Variants in TRAF7 observed in about 807,000 individuals in gnomAD.
TRAF7 encodes the protein TNF receptor associated factor 7, also known as E3 ubiquitin-protein ligase TRAF7.
In TRAF7, 45 loss-of-function variants were observed where a neutral mutation model predicts 89.3. The observed-to-expected ratio is 0.50, with a 90% CI of 0.40 to 0.65. The LOEUF is 0.65. Ranked by LOEUF, TRAF7 falls within the 30% of genes least tolerant of loss-of-function variation. The pLI, the probability that TRAF7 is intolerant of heterozygous loss-of-function variation, is 0.00. For synonymous variants in TRAF7, 406 were observed against 369.2 expected (o/e 1.10, Z -1.14); for missense variants, 677 against 918.1 (o/e 0.74, Z 3.39).
At chr16:2,166,345 T>C (rs1289611190) in intron 3 of TRAF7, among the ~76,000 whole-genome samples, 3 of 152,170 alleles carry the variant, frequency 2.0e-5, no homozygotes, top group African/African-American at 7.2e-5. Flanking sequence ...GCCCTAGGGC[T>C]TCAGTAACAG....
intron 13 of TRAF7, 78 bp from the exon 14 acceptor site, chr16:2,174,173 C>T (rs1476960938): frequency 1.9e-6 from 3 of 1,594,852 alleles, no homozygotes; most frequent in African/African-American, 2.7e-5. Flanking sequence ...GGCGGGGCTC[C>T]CTCACTCATT....
rs2093142362 is a variant in TRAF7 at position 2,177,402 on chromosome 16, C to T, written c.*828C>T. ...CTCCACCCGCCCCACACCACAATCG[C>T]TGGTTTTCGGCATTTTTTAAATTTT... On this transcript the variant is annotated 3_prime_UTR_variant, in exon 21 of 21. Coordinates refer to ENST00000326181, the MANE Select transcript of TRAF7 (RefSeq NM_032271.3). 4.3e-6 allele frequency: 1 copy of T among 233,200 alleles called. No homozygotes were observed. Among genetic ancestry groups the T allele is most frequent in the East Asian group, 6.1e-5 (1 of 16,520 alleles). 14.4% of individuals were successfully genotyped at this position (233,200 alleles called of 1,614,324 possible).
chr16:2,161,029 G>A lies in TRAF7; in HGVS notation c.-38-2854G>A, dbSNP rs1302783319. 6.6e-5 allele frequency among the ~76,000 whole-genome samples: 10 copies of A among 152,078 alleles called. No individual in the cohort carries two copies. Among genetic ancestry groups the A allele is most frequent in the Admixed American group, 5.2e-4 (8 of 15,278 alleles). ...GGCATCTTGCTCAATTCCGAGGTGC[G>A]GGGATGGATCCTGCCTTAGGGCGGG... On this transcript the variant is annotated intron_variant, in intron 1 of 20. Coordinates refer to ENST00000326181, the MANE Select transcript of TRAF7 (RefSeq NM_032271.3). This position sits in a 1 kb window ranked among gnomAD's most constrained non-coding sequence, Gnocchi z 5.2.
Position 2,176,195 on chromosome 16 carries a change from A to G in TRAF7, c.1878+15A>G, listed in dbSNP as rs1364724439. 1.2e-6 allele frequency: 2 copies of G among 1,603,084 alleles called. No individual in the cohort carries two copies. Among genetic ancestry groups the G allele is most frequent in the African/African-American group, 2.7e-5 (2 of 74,904 alleles). Reference sequence around the variant, plus strand: ...GGTCCCTCAGGGTGCGTGCTGGCCCAGCGGTGGCAGGAGGCTCAGAGGGCT... The same window carrying G: ...GGTCCCTCAGGGTGCGTGCTGGCCCGGCGGTGGCAGGAGGCTCAGAGGGCT... On this transcript the variant is annotated intron_variant, in intron 19 of 20. Transcript: ENST00000326181.
rs796867728 is a variant in TRAF7, at chr16:2,177,283, G to C, written c.*709G>C. ...TGTGCCGCCCTCTGAGGAGAGGCCT[G>C]GGGGGACAGCTGGGCACGTCCACTC... On this transcript the variant is annotated 3_prime_UTR_variant, in exon 21 of 21. Coordinates refer to ENST00000326181, the MANE Select transcript of TRAF7 (RefSeq NM_032271.3). 4.2e-6 allele frequency: 1 copy of C among 236,922 alleles called. No individual in the cohort carries two copies. Among genetic ancestry groups the C allele is most frequent in the Admixed American group, 5.3e-5 (1 of 18,892 alleles). The allele number at this position is 236,922 out of a possible 1,614,324, so 14.7% of individuals were successfully genotyped here.
intron 2 of TRAF7, among the ~76,000 whole-genome samples, 178 bp downstream of exon 2, chr16:2,164,179 C>T (rs545157986): frequency 1.5e-4 from 18 of 120,920 alleles, no homozygotes; most frequent in South Asian, 4.9e-4. Flanking sequence ...CGCGCGCGCG[C>T]GCACGCGTGC....
Position 2,178,014 on chromosome 16 carries a change from T to G in TRAF7, c.*1440T>G. 2.4e-6 allele frequency: 1 copy of G among 420,194 alleles called. No homozygotes were observed. 26.0% of individuals were successfully genotyped at this position (420,194 alleles called of 1,614,324 possible). On this transcript the variant is annotated 3_prime_UTR_variant, in exon 21 of 21. Coordinates refer to ENST00000326181, the MANE Select transcript of TRAF7 (RefSeq NM_032271.3). ...CTTTCAGTTGGTAAATGGTTTTCTA[T>G]AGAATCAATAATATTTCTTTCTTTA...
Position 2,159,741 on chromosome 16 carries a change from C to A in TRAF7, c.-39+3883C>A, listed in dbSNP as rs2141264623. Reference sequence around the variant, plus strand: ...AGGGCAGTTGCAGGCCTCACAGGCACACCCACCCATGGCTTGCGCCCCACA... The same window carrying A: ...AGGGCAGTTGCAGGCCTCACAGGCAAACCCACCCATGGCTTGCGCCCCACA... On this transcript the variant is annotated intron_variant, in intron 1 of 20. Transcript: ENST00000326181. The surrounding 1 kb of genome is among the most constrained non-coding windows in gnomAD (Gnocchi z 6.5). Among the ~76,000 whole-genome samples, 1 of 152,348 alleles carries A rather than the reference C, an allele frequency of 6.6e-6. No individual in the cohort carries two copies. Among genetic ancestry groups the A allele is most frequent in the Non-Finnish European group, 1.5e-5 (1 of 68,022 alleles).
chr16:2,170,687 C>T lies in TRAF7; in HGVS notation c.305C>T (p.Ser102Phe). The T allele has an allele frequency of 6.2e-7, 1 of 1,608,360 alleles. No homozygotes were observed. The highest frequency in any genetic ancestry group is 8.5e-7 in the Non-Finnish European group (1 of 1,177,866). Residue 102 changes from serine to phenylalanine, a missense_variant, in exon 5 of 21, where the codon TCT becomes TTT. Ser to Phe is a radical substitution (Grantham distance 155). This residue lies in a region of TRAF7 where 240 missense variants were observed against 191.9 expected (regional missense o/e 1.25). Coordinates refer to ENST00000326181, the MANE Select transcript of TRAF7 (RefSeq NM_032271.3). ...VRSLHSESSM[S>F]LRSTFSLPEE... ...TCCCTGCACTCAGAGTCCAGCATGT[C>T]TCTGCGCTCCACATTCTCACTGCCC...
At chr16:2,175,686 A>G in intron 17 of TRAF7, 64 bp downstream of exon 17, 1 of 1,593,554 alleles carries the variant, frequency 6.3e-7, no homozygotes, top group Non-Finnish European at 8.6e-7. Flanking sequence ...CCAGGCCAGC[A>G]CCTGGGGCTC....
intron 9 of TRAF7, among the ~76,000 whole-genome samples, 168 bp downstream of exon 9, chr16:2,172,767 C>G (rs539813788): frequency 6.6e-6 from 1 of 151,458 alleles, no homozygotes; most frequent in Non-Finnish European, 1.5e-5. Flanking sequence ...GAGGGGGAGC[C>G]GAGGGCGTCC....
chr16:2,155,934 G>C (rs980998319), intron 1 of TRAF7, 76 bp downstream of exon 1: 4 of 142,650 alleles, frequency 2.8e-5, no homozygotes, highest in Non-Finnish European at 4.7e-5. Flanking sequence ...CGGGCGCGTG[G>C]AGATCGAGGC....
intron 3 of TRAF7, 36 bp downstream of exon 3, chr16:2,165,972 A>G (rs1209869878): frequency 6.2e-7 from 1 of 1,613,042 alleles, no homozygotes; most frequent in Non-Finnish European, 8.5e-7. Flanking sequence ...CAGGCTGGGA[A>G]TAACCGGGGC....
intron 3 of TRAF7, among the ~76,000 whole-genome samples, chr16:2,166,312 C>T (rs2093086422): frequency 6.6e-6 from 1 of 152,190 alleles, no homozygotes; most frequent in African/African-American, 2.4e-5. Context: ...TCCCGTGTGC[C>T]CGGAGGTCTT....
In TRAF7 at chr16:2,159,010, A is replaced by G. The variant is rs1425180179; in HGVS notation, c.-39+3152A>G. Reference sequence around the variant, plus strand: ...TGGGCCAGGTCCCCACACAATAGACAGCCATGAGATACAGGGGAAAAAAGG... The same window carrying G: ...TGGGCCAGGTCCCCACACAATAGACGGCCATGAGATACAGGGGAAAAAAGG... On this transcript the variant is annotated intron_variant, in intron 1 of 20. Transcript: ENST00000326181. This position sits in a 1 kb window ranked among gnomAD's most constrained non-coding sequence, Gnocchi z 6.5. 6.6e-6 allele frequency among the ~76,000 whole-genome samples: 1 copy of G among 152,164 alleles called. No homozygotes were observed. The highest frequency in any genetic ancestry group is 1.5e-5 in the Non-Finnish European group (1 of 68,030).
chr16:2,176,544 A>G lies in TRAF7; in HGVS notation c.1999-16A>G. The G allele has an allele frequency of 6.2e-7, 1 of 1,613,348 alleles. No individual in the cohort carries two copies. ...CGGCCGCAGGACATCCTGGTGAAGC[A>G]GCCCTTTCTCTGCAGGTTTGGACTT... On this transcript the variant is annotated splice_polypyrimidine_tract_variant and intron_variant, in intron 20 of 20. Coordinates refer to ENST00000326181, the MANE Select transcript of TRAF7 (RefSeq NM_032271.3).
chr16:2,155,905 C>T (rs917845388), intron 1 of TRAF7, 47 bp downstream of exon 1: 1 of 149,968 alleles, frequency 6.7e-6, no homozygotes, highest in African/African-American at 2.4e-5. Flanking sequence ...CGCCTCGGGA[C>T]CGCGCGGTGG....
At position 2,161,108 on chromosome 16, in the gene TRAF7, T is replaced by G. The variant is rs1489207321; in HGVS notation, c.-38-2775T>G. 6.6e-6 allele frequency among the ~76,000 whole-genome samples: 1 copy of G among 152,088 alleles called. No individual in the cohort carries two copies. Among genetic ancestry groups the G allele is most frequent in the East Asian group, 1.9e-4 (1 of 5,188 alleles). The stretch of plus-strand genomic sequence containing the variant: ...AGGGTCCCGCCCGCCTCCATGTCCC[T>G]GGCTGGGGCTGAACACTGAACCCGA... On this transcript the variant is annotated intron_variant, in intron 1 of 20. Coordinates refer to ENST00000326181, the MANE Select transcript of TRAF7 (RefSeq NM_032271.3). This position sits in a 1 kb window ranked among gnomAD's most constrained non-coding sequence, Gnocchi z 5.2.
intron 1 of TRAF7, among the ~76,000 whole-genome samples, chr16:2,160,874 A>G (rs1226671689): frequency 6.6e-6 from 1 of 151,932 alleles, no homozygotes; most frequent in Non-Finnish European, 1.5e-5. Context: ...ATGCCCCCAG[A>G]AAAGCCTCCC....
Sources: gnomAD v4.1 joint callset for allele counts (sites outside exome capture counted in the v4.1 genomes callset) on GRCh38, gnomAD v4.1.1 for gene constraint, gnomAD v4.1.1 regional missense constraint, Gnocchi (gnomAD v3.1) non-coding constraint, MANE v1.5 for transcripts, NCBI Gene and HGNC (gene_info 2026-07-23, HGNC 2026-07-21) for gene names.